Variants in ANGPT2 observed in about 807,000 individuals in gnomAD.
The protein encoded by ANGPT2 is angiopoietin-2.
A neutral mutation model predicts 62.9 loss-of-function variants in ANGPT2; 28 were observed. The ratio of observed to expected loss-of-function variants is 0.44; its 90% confidence interval spans 0.33 to 0.61. The LOEUF is 0.61. Ranked by LOEUF, ANGPT2 falls within the 20% of genes least tolerant of loss-of-function variation. ANGPT2 has a pLI of 0.03. For synonymous variants in ANGPT2, 284 were observed against 207.8 expected (o/e 1.37, Z -3.15); for missense variants, 727 against 594.9 (o/e 1.22, Z -2.31).
chr8:6,533,640 A>T (rs920562452), intron 1 of ANGPT2, among the ~76,000 whole-genome samples: 1 of 143,056 alleles, frequency 7.0e-6, no homozygotes, highest in Admixed American at 7.4e-5. Flanking sequence ...GGTCCAAAGT[A>T]TAAGCTCGTG....
chr8:6,548,773 AG>A (rs1823063461), intron 1 of ANGPT2, among the ~76,000 whole-genome samples: 2 of 152,220 alleles, frequency 1.3e-5, no homozygotes, highest in African/African-American at 4.8e-5. Flanking sequence ...GAAAAAAAGA[AG>A]GTGCTATCAG....
chr8:6,517,547 CT>C (rs1277681136), intron 5 of ANGPT2, among the ~76,000 whole-genome samples: 2 of 152,208 alleles, frequency 1.3e-5, no homozygotes, highest in Non-Finnish European at 2.9e-5. Flanking sequence ...ATTGAACATT[CT>C]TTTCTTGAAT....
intron 8 of ANGPT2, chr8:6,508,313 C>G (rs2442466): frequency 0.53 from 80,221 of 152,160 alleles, 21,904 homozygotes; most frequent in African/African-American, 0.65. Context: ...GCCGGGTGCA[C>G]TGGTGGGCGC....
At chr8:6,530,042 G>A (rs553286102) in intron 2 of ANGPT2, among the ~76,000 whole-genome samples, 10 of 151,830 alleles carry the variant, frequency 6.6e-5, no homozygotes, top group Non-Finnish European at 1.5e-4. Flanking sequence ...AAGTTCCCAT[G>A]CTTGGATCTA....
At chr8:6,529,685 G>C (rs889110997) in intron 2 of ANGPT2, among the ~76,000 whole-genome samples, 4 of 144,748 alleles carry the variant, frequency 2.8e-5, no homozygotes, top group African/African-American at 1.0e-4. Flanking sequence ...AGCTGGTCTC[G>C]GACTCCTGAT....
chr8:6,515,090 T>A (rs1157032228), intron 5 of ANGPT2, among the ~76,000 whole-genome samples: 1 of 152,134 alleles, frequency 6.6e-6, no homozygotes, highest in East Asian at 1.9e-4. Context: ...AGATTGCTGT[T>A]TTTTTAGAGA....
chr8:6,513,686 G>C lies in ANGPT2; in HGVS notation c.1188C>G (p.Leu396=). 3 of 1,608,388 alleles carry C rather than the reference G, an allele frequency of 1.9e-6. No individual in the cohort carries two copies. The highest frequency in any genetic ancestry group is 2.5e-6 in the Non-Finnish European group (3 of 1,178,296). The change falls in exon 7 of 9, where the codon CTC becomes CTG. Residue 396 remains leucine (L), a synonymous_variant. Transcript: ENST00000629816. ...YEHFYLSSEE[L]NYRIHLKGLT... ...ACCATGAACTCACTTACCTATAATTGAGTTCTTCACTTGAGAGATAGAAAT... is the reference window on the plus strand; with the variant it reads ...ACCATGAACTCACTTACCTATAATTCAGTTCTTCACTTGAGAGATAGAAAT...
chr8:6,527,626 G>A lies in ANGPT2; in HGVS notation c.495C>T (p.Leu165=), dbSNP rs1335959753. ...TCTGTTTTTCCAATTTGTTTGTCGAGAGGGAGTGTTCCAAGAGCTGAAGTT... is the reference window on the plus strand; with the variant it reads ...TCTGTTTTTCCAATTTGTTTGTCGAAAGGGAGTGTTCCAAGAGCTGAAGTT... ...RLELQLLEHS[L]STNKLEKQIL... is the part of the protein sequence containing the mutation. The change falls in exon 3 of 9, where the codon CTC becomes CTT. Residue 165 remains leucine (L), a synonymous_variant. Coordinates refer to ENST00000629816, the MANE Select transcript of ANGPT2 (RefSeq NM_001118887.2). 1 of 1,613,992 alleles carries A rather than the reference G, an allele frequency of 6.2e-7. No individual in the cohort carries two copies. Among genetic ancestry groups the A allele is most frequent in the Non-Finnish European group, 8.5e-7 (1 of 1,179,930 alleles).
chr8:6,518,578 C>T (rs1012693039), intron 5 of ANGPT2, among the ~76,000 whole-genome samples: 1 of 152,162 alleles, frequency 6.6e-6, no homozygotes, highest in African/African-American at 2.4e-5. Context: ...GTTTCAAGTT[C>T]CAGGTCTTTA....
intron 5 of ANGPT2, among the ~76,000 whole-genome samples, chr8:6,518,216 A>T (rs1363987365): frequency 6.6e-6 from 1 of 152,174 alleles, no homozygotes; most frequent in African/African-American, 2.4e-5. Flanking sequence ...CCCATTTCAC[A>T]TGCATCCTCT....
chr8:6,499,839 G>T lies in ANGPT2; in HGVS notation c.*3262C>A, dbSNP rs140013412. ...TAAATGTATAATAAATCTGCTTGTT[G>T]TGTCACTTGCAGGTGCTATGGTCTT... On this transcript the variant is annotated 3_prime_UTR_variant, in exon 9 of 9. Transcript: ENST00000629816. 14 of 1,611,876 alleles carry T rather than the reference G, an allele frequency of 8.7e-6. 1 individual carries two copies. In the East Asian group the frequency reaches 1.1e-4, roughly 13 times the overall value.
chr8:6,513,925 C>T, intron 6 of ANGPT2, 81 bp from the exon 7 acceptor site: 1 of 1,279,248 alleles, frequency 7.8e-7, no homozygotes. Context: ...GTCAACTTAA[C>T]ATAGAATAAC....
chr8:6,540,413 T>A (rs1001495866), intron 1 of ANGPT2, among the ~76,000 whole-genome samples: 3 of 152,230 alleles, frequency 2.0e-5, no homozygotes, highest in Admixed American at 6.5e-5. Flanking sequence ...TAAATTTCTT[T>A]GGGCATTTCA....
intron 7 of ANGPT2, 26 bp from the exon 8 acceptor site, chr8:6,509,088 A>T (rs1814395779): frequency 1.2e-6 from 2 of 1,609,948 alleles, no homozygotes; most frequent in East Asian, 4.5e-5. Flanking sequence ...GAAAAAAAAC[A>T]CATTGGCTAG....
At chr8:6,523,956 C>G (rs1399483040) in intron 3 of ANGPT2, among the ~76,000 whole-genome samples, 1 of 151,160 alleles carries the variant, frequency 6.6e-6, no homozygotes. Flanking sequence ...TTATTCAGCA[C>G]CTAAAGAGGC....
chr8:6,506,102 G>T (rs17077194), intron 8 of ANGPT2, among the ~76,000 whole-genome samples: 11 of 140,798 alleles, frequency 7.8e-5, no homozygotes, highest in African/African-American at 3.1e-4. Context: ...TTCCTACATT[G>T]TTTCTTGGTG....
At chr8:6,528,837 G>A (rs2515467) in intron 2 of ANGPT2, among the ~76,000 whole-genome samples, 10,535 of 152,256 alleles carry the variant, frequency 0.069, 429 homozygotes, top group African/African-American at 0.1. Flanking sequence ...CCACAGCGTG[G>A]GTTTCAGGGA....
At chr8:6,517,035 A>T (rs1816392365) in intron 5 of ANGPT2, among the ~76,000 whole-genome samples, 1 of 152,216 alleles carries the variant, frequency 6.6e-6, no homozygotes, top group Non-Finnish European at 1.5e-5. Flanking sequence ...ATTTGTAAAA[A>T]CTGGAGTATT....
chr8:6,545,384 T>C (rs1822397302), intron 1 of ANGPT2, among the ~76,000 whole-genome samples: 1 of 152,242 alleles, frequency 6.6e-6, no homozygotes, highest in Middle Eastern at 3.2e-3. Context: ...AAAAGACATT[T>C]AGAAATGAAA....
Sources: gnomAD v4.1 joint callset for allele counts (sites outside exome capture counted in the v4.1 genomes callset) on GRCh38, gnomAD v4.1.1 for gene constraint, MANE v1.5 for transcripts, NCBI Gene and HGNC (gene_info 2026-07-23, HGNC 2026-07-21) for gene names.